STAT2: variants seen among roughly 807,000 people sequenced by gnomAD.
STAT2 encodes the protein signal transducer and activator of transcription 2.
In STAT2, 51 loss-of-function variants were observed where a neutral mutation model predicts 122.3. The ratio of observed to expected loss-of-function variants is 0.42; its 90% CI spans 0.33 to 0.53. The LOEUF is 0.53. Among genes scored for constraint, STAT2 ranks in the 20% least tolerant of loss-of-function variants. STAT2 has a pLI of 0.10. For synonymous variants in STAT2, 351 were observed against 394.9 expected, an observed-to-expected ratio of 0.89 and a Z score of 1.32; for missense variants, 736 against 1,010.3, an observed-to-expected ratio of 0.73 and a Z score of 3.68.
At chr12:56,357,722 T>C (rs1268661046) in intron 1 of STAT2, among the ~76,000 whole-genome samples, 1 of 150,596 alleles carries the variant, frequency 6.6e-6, no homozygotes, top group Non-Finnish European at 1.5e-5. Flanking sequence ...TTTTTTTTTT[T>C]TTTTTTTGAG....
Position 56,356,143 on chromosome 12 carries a change from G to C in STAT2, c.274C>G (p.Arg92Gly). Residue 92 changes from arginine to glycine, a missense_variant, in exon 3 of 24, where the codon CGG (arginine) becomes GGG (glycine). Coordinates refer to ENST00000314128, the MANE Select transcript of STAT2 (RefSeq NM_005419.4). ...LLQHNLRKFC[R>G]DIQPFSQDPT... ...ACCGTTCCAAGTACCTGAATGTCCC[G>C]GCAGAATTTCCGCAAATTGTGCTGC... The C allele has an allele frequency of 6.2e-7, 1 of 1,613,798 alleles. No individual in the cohort carries two copies. The highest frequency in any genetic ancestry group is 8.5e-7 in the Non-Finnish European group (1 of 1,179,842).
At chr12:56,352,051 C>A (rs527828565) in intron 8 of STAT2, among the ~76,000 whole-genome samples, 56 of 152,072 alleles carry the variant, frequency 3.7e-4, no homozygotes, top group Non-Finnish European at 7.5e-4. Context: ...TGCCACCACG[C>A]CCGGCTAACT....
In STAT2 at chr12:56,354,034, TATATATAA is replaced by T. The variant is rs1484337538; in HGVS notation, c.782+424_782+431del. On this transcript the variant is annotated intron_variant, in intron 8 of 23. Coordinates refer to ENST00000314128, the MANE Select transcript of STAT2 (RefSeq NM_005419.4). ...AAAAAAAAATATATATATATATATA[TATATATAA>T]AAAATACTGTTAAGCTTAAAAAAAA... Among the ~76,000 whole-genome samples the T allele has an allele frequency of 3.1e-4, 24 of 78,292 alleles. 4 individuals are homozygous for T. The highest frequency in any genetic ancestry group is 5.0e-4 in the Non-Finnish European group (18 of 36,162). The allele number at this position is 78,292 out of a possible 152,430, so 51.4% of individuals were successfully genotyped here.
At chr12:56,344,191 G>A in intron 22 of STAT2, 56 bp from the exon 23 acceptor site, 1 of 1,508,232 alleles carries the variant, frequency 6.6e-7, no homozygotes. Context: ...ATGAAATCAG[G>A]AATGGTAGAA....
Position 56,351,088 on chromosome 12 carries a change from G to C in STAT2, c.1034+10C>G, listed in dbSNP as rs1475919038. The C allele has an allele frequency of 1.2e-6, 2 of 1,613,070 alleles. No individual in the cohort carries two copies. The highest frequency in any genetic ancestry group is 1.7e-4 in the Middle Eastern group (1 of 5,926). On this transcript the variant is annotated intron_variant, in intron 10 of 23. Transcript: ENST00000314128. ...AAAAAGGAAGTGGGAATGAGTTCTG[G>C]AATGCCAACCTTGTTCGGACGGTGA...
chr12:56,350,462 T>C (rs1565653459), intron 11 of STAT2, 30 bp from the exon 12 acceptor site: 2 of 1,585,776 alleles, frequency 1.3e-6, no homozygotes, highest in Non-Finnish European at 1.7e-6. Flanking sequence ...AAAAAATCAT[T>C]GGGCAAAAGA....
rs764824397 is a variant in STAT2, at chr12:56,343,338, T to A, written c.*51A>T. 15 of 1,586,418 alleles carry A rather than the reference T, an allele frequency of 9.5e-6. 1 individual carries two copies. In the South Asian group the frequency reaches 1.7e-4, roughly 18 times the overall value. ...ATCCTTGGAGAACAATATCATGCTA[T>A]GAGGAGTAGGAAGGGCAAGAGATAT... is the stretch of plus-strand genomic sequence containing the variant. On this transcript the variant is annotated 3_prime_UTR_variant, in exon 24 of 24. Coordinates refer to ENST00000314128, the MANE Select transcript of STAT2 (RefSeq NM_005419.4).
intron 3 of STAT2, 75 bp from the exon 4 acceptor site, chr12:56,355,878 C>A: frequency 6.9e-7 from 1 of 1,443,640 alleles, no homozygotes; most frequent in Non-Finnish European, 9.7e-7. Context: ...CCCTCCCCAC[C>A]AATGTCCACA....
chr12:56,359,865 G>A (rs1880111072), intron 1 of STAT2, among the ~76,000 whole-genome samples, 193 bp downstream of exon 1: 1 of 152,186 alleles, frequency 6.6e-6, no homozygotes, highest in South Asian at 2.1e-4. Context: ...TTTTGGGAGA[G>A]GGGCATTAGG....
chr12:56,354,304 G>T, intron 8 of STAT2, 162 bp downstream of exon 8: 1 of 1,038,968 alleles, frequency 9.6e-7, no homozygotes, highest in Non-Finnish European at 1.4e-6. Flanking sequence ...CTCCCTGCGT[G>T]GTGAGGATGA....
At chr12:56,356,740 G>GTTC (rs1344866790) in intron 1 of STAT2, among the ~76,000 whole-genome samples, 162 bp from the exon 2 acceptor site, 1 of 152,066 alleles carries the variant, frequency 6.6e-6, no homozygotes, top group Non-Finnish European at 1.5e-5. Flanking sequence ...GCTAATCTTG[G>GTTC]TTCTTTCCCC....
intron 19 of STAT2, 100 bp from the exon 20 acceptor site, chr12:56,347,055 G>A (rs1877593227): frequency 6.5e-7 from 1 of 1,527,518 alleles, no homozygotes; most frequent in African/African-American, 1.4e-5. Flanking sequence ...CCCAGGTTTG[G>A]AATCCAGGCT....
intron 8 of STAT2, chr12:56,352,349 C>CTTTTT (rs76024169): frequency 1.2e-3 from 25 of 21,058 alleles, no homozygotes; most frequent in Non-Finnish European, 1.6e-3. Flanking sequence ...TTGTAACTAT[C>CTTTTT]TTTTTTTTTT....
In STAT2 at chr12:56,351,186, A is replaced by G. The variant is rs1878412261; in HGVS notation, c.946T>C (p.Phe316Leu). 1 of 1,613,546 alleles carries G rather than the reference A, an allele frequency of 6.2e-7. No individual in the cohort carries two copies. The highest frequency in any genetic ancestry group is 1.7e-5 in the Admixed American group (1 of 59,952). The change falls in exon 10 of 24, where the codon TTT becomes CTT. Residue 316 changes from phenylalanine to leucine, a missense_variant. By Grantham distance (22) the Phe-to-Leu change is conservative. Transcript: ENST00000314128. ...ELLQRLLHRA[F>L]VVETQPCMPQ... ...ATGCAGGGCTGGGTTTCTACCACAAAGGCTCTGAGGAGAGAGAGGTGTGGA... is the reference window on the plus strand; with the variant it reads ...ATGCAGGGCTGGGTTTCTACCACAAGGGCTCTGAGGAGAGAGAGGTGTGGA...
chr12:56,354,010 AAAAAAAAT>A (rs1190199825), intron 8 of STAT2, among the ~76,000 whole-genome samples: 19 of 19,590 alleles, frequency 9.7e-4, no homozygotes, highest in East Asian at 8.8e-3. Context: ...AAAAAAAAAA[AAAAAAAAT>A]ATATATATAT....
rs781522558 is a variant in STAT2, at chr12:56,346,844, G to C, written c.1836C>G (p.Cys612Trp). The C allele has an allele frequency of 1.2e-6, 2 of 1,614,200 alleles. No individual in the cohort carries two copies. The highest frequency in any genetic ancestry group is 1.1e-5 in the South Asian group (1 of 91,086). ...CATCATCCTGGTGCTCCACCCAGGA[G>C]CAGGTAATGCCCCCTTCTGACGATT... ...FSESSEGGIT[C>W]SWVEHQDDDK... is the part of the protein sequence containing the mutation. Residue 612 changes from cysteine to tryptophan, a missense_variant, in exon 20 of 24, where the codon TGC (cysteine) becomes TGG (tryptophan). Cys to Trp is a radical substitution (Grantham distance 215). Coordinates refer to ENST00000314128, the MANE Select transcript of STAT2 (RefSeq NM_005419.4).
At chr12:56,359,112 G>GGAGA (rs1490503263) in intron 1 of STAT2, among the ~76,000 whole-genome samples, 2 of 152,124 alleles carry the variant, frequency 1.3e-5, no homozygotes, top group African/African-American at 2.4e-5. Context: ...GCTTGGGGTG[G>GGAGA]GAGAGTCTTC....
chr12:56,349,085 T>C (rs1300033261), intron 16 of STAT2, 26 bp from the exon 17 acceptor site: 2 of 1,613,684 alleles, frequency 1.2e-6, no homozygotes, highest in Non-Finnish European at 8.5e-7. Flanking sequence ...CAGTGTAGGC[T>C]GGCTCAGAAG....
intron 19 of STAT2, among the ~76,000 whole-genome samples, chr12:56,348,249 G>A (rs369128419): frequency 2.2e-4 from 34 of 151,774 alleles, no homozygotes; most frequent in Non-Finnish European, 3.8e-4. Flanking sequence ...CACCACGCCC[G>A]GCTAATTTTT....
Sources: gnomAD v4.1 joint callset for allele counts (sites outside exome capture counted in the v4.1 genomes callset) on GRCh38, gnomAD v4.1.1 for gene constraint, MANE v1.5 for transcripts, NCBI Gene and HGNC (gene_info 2026-07-23, HGNC 2026-07-21) for gene names.